Variants in NLRP1 observed in about 807,000 individuals in gnomAD.
NLRP1 encodes the protein NLR family pyrin domain containing 1.
Under a neutral mutation model 136.7 loss-of-function variants are expected in NLRP1, and 94 were observed. The ratio of observed to expected loss-of-function variants is 0.69; its 90% CI spans 0.58 to 0.82. The LOEUF (loss-of-function observed/expected upper bound fraction) is 0.82, where lower values mean the gene tolerates loss of function less well. NLRP1 is among the 40% of genes least tolerant of loss of function. The pLI, the probability that NLRP1 is intolerant of heterozygous loss-of-function variation, is 0.00. For missense variants in NLRP1, 1,575 were observed against 1,802.7 expected (o/e 0.87, Z 2.29); for synonymous variants, 690 against 725.1 (o/e 0.95, Z 0.78).
intron 12 of NLRP1, chr17:5,530,181 A>G (rs926957272): frequency 1.0e-5 from 5 of 495,114 alleles, no homozygotes; most frequent in African/African-American, 3.9e-5. Flanking sequence ...AAAAATCTCA[A>G]CTGAGCATAT....
downstream of NLRP1, chr17:5,511,920 A>C (rs1907668376): frequency 3.8e-6 from 1 of 262,286 alleles, no homozygotes; most frequent in African/African-American, 2.2e-5. Context: ...GACCACACCC[A>C]GATCATACTG....
At chr17:5,526,349 A>AGTG (rs942028486) in intron 12 of NLRP1, among the ~76,000 whole-genome samples, 4 of 152,130 alleles carry the variant, frequency 2.6e-5, no homozygotes, top group African/African-American at 7.2e-5. Flanking sequence ...CGATTCAGTA[A>AGTG]GTGTTGGTTC....
At chr17:5,505,586 G>C (rs953876344) in intron 15 of NLRP1, 3 of 152,300 alleles carry the variant, frequency 2.0e-5, no homozygotes, top group African/African-American at 7.2e-5. Context: ...ATTATTAAGA[G>C]TTTCAAGGCA....
Position 5,580,789 on chromosome 17 carries a change from A to G in NLRP1, c.652+1070T>C, listed in dbSNP as rs147631095. Among the ~76,000 whole-genome samples the G allele has an allele frequency of 2.6e-5, 4 of 152,232 alleles. No individual in the cohort carries two copies. In the East Asian group the frequency reaches 7.7e-4, roughly 29 times the overall value. ...TTTTTTAATTCACAAAATAATTCTGAGAAAAAGTTATCTTTGTGATTCTCA... is the reference window on the plus strand; with the variant it reads ...TTTTTTAATTCACAAAATAATTCTGGGAAAAAGTTATCTTTGTGATTCTCA... On this transcript the variant is annotated intron_variant, in intron 3 of 16. Coordinates refer to ENST00000572272, the MANE Select transcript of NLRP1 (RefSeq NM_033004.4).
At chr17:5,540,170 G>A (rs939060300) in intron 6 of NLRP1, among the ~76,000 whole-genome samples, 3 of 152,174 alleles carry the variant, frequency 2.0e-5, no homozygotes, top group African/African-American at 4.8e-5. Context: ...CATAATAGGC[G>A]ATGGATAAAA....
Position 5,559,664 on chromosome 17 carries a change from G to C in NLRP1, c.1032C>G (p.Ala344=). The part of the protein sequence containing the change: ...GAAGIGKSTL[A]RQVKEAWGRG... The stretch of plus-strand genomic sequence containing the variant: ...TCCCCCAGGCTTCCTTCACCTGCCT[G>C]GCCAGTGTTGACTTCCCAATTCCAG... The change falls in exon 4 of 17, where the codon GCC becomes GCG. Residue 344 remains alanine, a synonymous_variant. Coordinates refer to ENST00000572272, the MANE Select transcript of NLRP1 (RefSeq NM_033004.4). 1 of 1,614,214 alleles carries C rather than the reference G, an allele frequency of 6.2e-7. No individual in the cohort carries two copies. Among genetic ancestry groups the C allele is most frequent in the Non-Finnish European group, 8.5e-7 (1 of 1,180,032 alleles).
chr17:5,553,376 C>T lies in NLRP1; in HGVS notation c.2528+10G>A. 2 of 1,607,524 alleles carry T rather than the reference C, an allele frequency of 1.2e-6. No individual in the cohort carries two copies. Among genetic ancestry groups the T allele is most frequent in the Non-Finnish European group, 8.5e-7 (1 of 1,175,968 alleles). ...TCCCTGCTTCAGAACAGAACCCAGG[C>T]CAGACTCACCGCAGGGTCTCCAGGA... On this transcript the variant is annotated intron_variant, in intron 5 of 16. Transcript: ENST00000572272.
intron 3 of NLRP1, among the ~76,000 whole-genome samples, chr17:5,573,196 G>A (rs1172260845): frequency 6.6e-6 from 1 of 152,210 alleles, no homozygotes; most frequent in Non-Finnish European, 1.5e-5. Context: ...AGAGGGTCCT[G>A]TACCCACGGA....
chr17:5,580,122 C>A (rs569170409), intron 3 of NLRP1, among the ~76,000 whole-genome samples: 1 of 151,982 alleles, frequency 6.6e-6, no homozygotes, highest in Admixed American at 6.6e-5. Flanking sequence ...GTAGTCCCAG[C>A]GACTCGGGAG....
At position 5,528,003 on chromosome 17, in the gene NLRP1, G is replaced by A. The variant is rs77933546; in HGVS notation, c.3520+2478C>T. On this transcript the variant is annotated intron_variant, in intron 12 of 16. Coordinates refer to ENST00000572272, the MANE Select transcript of NLRP1 (RefSeq NM_033004.4). ...GCAGACTTTGTCCCCTCGGGCCCTG[G>A]TGGTACATTCTGGCTCCAGACCTTA... 3.0e-3 allele frequency among the ~76,000 whole-genome samples: 457 copies of A among 152,336 alleles called. 6 individuals carry two copies. Among genetic ancestry groups the A allele is most frequent in the African/African-American group, 0.01 (432 of 41,566 alleles).
At chr17:5,530,902 G>A (rs977826967) in intron 11 of NLRP1, among the ~76,000 whole-genome samples, 198 bp from the exon 12 acceptor site, 44 of 152,242 alleles carry the variant, frequency 2.9e-4, no homozygotes, top group African/African-American at 9.9e-4. Context: ...TAACCTTCCT[G>A]TTTTTGGTTT....
intron 3 of NLRP1, among the ~76,000 whole-genome samples, chr17:5,573,410 A>G (rs1904649036): frequency 6.6e-6 from 1 of 152,206 alleles, no homozygotes; most frequent in African/African-American, 2.4e-5. Context: ...GCCAAACAAA[A>G]GGCAGCAGAA....
chr17:5,554,584 C>T (rs1188014159), intron 4 of NLRP1, among the ~76,000 whole-genome samples: 2 of 152,252 alleles, frequency 1.3e-5, no homozygotes, highest in South Asian at 2.1e-4. Flanking sequence ...TCCCTCACTC[C>T]GTCTCCTCCG....
At chr17:5,543,203 A>T (rs2151777758) in intron 5 of NLRP1, among the ~76,000 whole-genome samples, 1 of 152,344 alleles carries the variant, frequency 6.6e-6, no homozygotes, top group South Asian at 2.1e-4. Flanking sequence ...GTAAGTATGT[A>T]GTAAATAAAT....
At chr17:5,520,797 A>C in intron 14 of NLRP1, 84 bp downstream of exon 14, 1 of 1,263,664 alleles carries the variant, frequency 7.9e-7, no homozygotes, top group Non-Finnish European at 1.1e-6. Flanking sequence ...TGTCCCTGAG[A>C]AAGCCCTGAG....
intron 15 of NLRP1, among the ~76,000 whole-genome samples, chr17:5,506,897 C>A (rs1163295563): frequency 2.2e-5 from 2 of 91,906 alleles, no homozygotes; most frequent in Non-Finnish European, 2.0e-5. Context: ...AGCAAAACTC[C>A]ATCTCAAAAA....
chr17:5,512,222 C>T, downstream of NLRP1: 2 of 1,457,652 alleles, frequency 1.4e-6, no homozygotes, highest in Non-Finnish European at 1.9e-6. Context: ...AGTTGGCAAC[C>T]ACTACCATCA....
At chr17:5,523,692 T>G (rs755088414) in intron 12 of NLRP1, among the ~76,000 whole-genome samples, 1 of 152,226 alleles carries the variant, frequency 6.6e-6, no homozygotes, top group Non-Finnish European at 1.5e-5. Context: ...GCTCCATCCC[T>G]GCATTGCCTG....
At chr17:5,564,305 A>AT (rs905304868) in intron 3 of NLRP1, among the ~76,000 whole-genome samples, 5 of 152,020 alleles carry the variant, frequency 3.3e-5, no homozygotes, top group African/African-American at 7.2e-5. Context: ...CATTCTTTCT[A>AT]TTTTTTTGTA....
Sources: allele counts gnomAD v4.1 joint callset (sites outside exome capture counted in the v4.1 genomes callset), GRCh38; gene constraint gnomAD v4.1.1; transcripts MANE v1.5; gene names NCBI Gene and HGNC (gene_info 2026-07-23, HGNC 2026-07-21).